Variants in ZC3H13 observed in about 807,000 individuals in gnomAD.
The protein encoded by ZC3H13 is zinc finger CCCH domain-containing protein 13.
A neutral mutation model predicts 204.1 loss-of-function variants in ZC3H13; 64 were observed. That is an observed-to-expected ratio of 0.31 (90% CI 0.26 to 0.39). The LOEUF (loss-of-function observed/expected upper bound fraction) is 0.39. Ranked by LOEUF, ZC3H13 falls within the 10% of genes least tolerant of loss-of-function variation. The probability of loss-of-function intolerance (pLI) is 1.00; values close to 1 mark genes in which losing one functional copy is unlikely to be tolerated. For synonymous variants in ZC3H13, 667 were observed against 693.7 expected (o/e 0.96, Z 0.60); for missense variants, 1,833 against 2,082.7 (o/e 0.88, Z 2.33).
chr13:45,959,941 T>A (rs892713445), intron 17 of ZC3H13, among the ~76,000 whole-genome samples: 5 of 152,020 alleles, frequency 3.3e-5, no homozygotes, highest in South Asian at 2.1e-4. Flanking sequence ...TTTTTAATTT[T>A]AAACAATTTA....
chr13:45,983,739 ATT>A (rs1288858724), intron 10 of ZC3H13, among the ~76,000 whole-genome samples: 3 of 152,000 alleles, frequency 2.0e-5, no homozygotes, highest in Non-Finnish European at 4.4e-5. Context: ...TTCTACTTAT[ATT>A]TAACACTGTA....
chr13:46,011,614 T>C, intron 5 of ZC3H13, 60 bp from the exon 6 acceptor site: 3 of 1,366,606 alleles, frequency 2.2e-6, no homozygotes, highest in Non-Finnish European at 2.9e-6. Context: ...CCAAAAATCA[T>C]ACAGACTTTT....
intron 7 of ZC3H13, among the ~76,000 whole-genome samples, chr13:46,004,671 T>A (rs1593632981): frequency 6.6e-6 from 1 of 152,194 alleles, no homozygotes; most frequent in African/African-American, 2.4e-5. Flanking sequence ...CAGGTTTTCA[T>A]CATTATTCAA....
chr13:46,029,254 G>A (rs1430358443), intron 4 of ZC3H13, among the ~76,000 whole-genome samples: 3 of 152,042 alleles, frequency 2.0e-5, no homozygotes, highest in African/African-American at 7.2e-5. Context: ...CACACAAGGA[G>A]AAACAAGCAA....
chr13:46,030,215 C>T (rs369646965), intron 4 of ZC3H13, among the ~76,000 whole-genome samples: 27 of 152,100 alleles, frequency 1.8e-4, no homozygotes, highest in Middle Eastern at 3.2e-3. Flanking sequence ...TTAGAAACAG[C>T]GGCGAATTTC....
chr13:46,022,551 T>G (rs1261967315), intron 4 of ZC3H13, among the ~76,000 whole-genome samples: 1 of 151,972 alleles, frequency 6.6e-6, no homozygotes, highest in African/African-American at 2.4e-5. Context: ...TTGAACAGAA[T>G]GGCTTCTCAT....
intron 11 of ZC3H13, chr13:45,976,121 C>A: frequency 1.0e-6 from 1 of 959,720 alleles, no homozygotes; most frequent in Non-Finnish European, 1.2e-6. Flanking sequence ...TCTCTGCATG[C>A]TCCCTACCCT....
At position 46,042,293 on chromosome 13, in the gene ZC3H13, G is replaced by T; in HGVS notation, c.228-18C>A. On this transcript the variant is annotated intron_variant, in intron 3 of 18. Transcript: ENST00000679008. ...CTGGTGACCTTTGAACCAAAACACA[G>T]AAACAAAACAAAAAACGAAACAAAA... The T allele has an allele frequency of 6.4e-7, 1 of 1,572,038 alleles. No homozygotes were observed. Among genetic ancestry groups the T allele is most frequent in the Non-Finnish European group, 8.7e-7 (1 of 1,153,796 alleles).
intron 8 of ZC3H13, among the ~76,000 whole-genome samples, chr13:46,001,698 G>C (rs1301169409): frequency 2.0e-5 from 3 of 152,094 alleles, no homozygotes; most frequent in Admixed American, 6.6e-5. Context: ...AGACTTCTTA[G>C]TCAAAATACC....
chr13:46,047,323 TA>T (rs1445299951), intron 1 of ZC3H13, among the ~76,000 whole-genome samples: 1 of 152,208 alleles, frequency 6.6e-6, no homozygotes, highest in Non-Finnish European at 1.5e-5. Flanking sequence ...TAATAGCAAT[TA>T]ATTTTTAGTG....
chr13:46,020,629 G>T, intron 4 of ZC3H13, 72 bp from the exon 5 acceptor site: 2 of 986,198 alleles, frequency 2.0e-6, no homozygotes, highest in Non-Finnish European at 2.9e-6. Flanking sequence ...TGTAATAAGA[G>T]AACATTTTAA....
At chr13:46,020,674 T>C in intron 4 of ZC3H13, 117 bp from the exon 5 acceptor site, 1 of 691,944 alleles carries the variant, frequency 1.4e-6, no homozygotes, top group Non-Finnish European at 2.3e-6. Flanking sequence ...AGAATCAGTT[T>C]TGTAAATAGT....
intron 4 of ZC3H13, among the ~76,000 whole-genome samples, chr13:46,030,474 GAACT>G (rs1172013757): frequency 2.0e-5 from 3 of 152,128 alleles, no homozygotes; most frequent in African/African-American, 7.2e-5. Context: ...AATTCTGAAA[GAACT>G]AACAGAAGAA....
chr13:45,960,763 A>C (rs1380011239), intron 17 of ZC3H13, among the ~76,000 whole-genome samples: 2 of 152,228 alleles, frequency 1.3e-5, no homozygotes, highest in Non-Finnish European at 2.9e-5. Context: ...CAACACGCTC[A>C]AGCAGGTTAC....
intron 1 of ZC3H13, among the ~76,000 whole-genome samples, chr13:46,047,616 TAAGAG>T (rs10551209): frequency 0.77 from 116,997 of 151,584 alleles, 45,514 homozygotes; most frequent in African/African-American, 0.86. Flanking sequence ...AACTGAAAGC[TAAGAG>T]AAGTGGAGCT....
At chr13:46,032,256 T>C (rs1390442492) in intron 4 of ZC3H13, among the ~76,000 whole-genome samples, 1 of 152,050 alleles carries the variant, frequency 6.6e-6, no homozygotes, top group African/African-American at 2.4e-5. Flanking sequence ...AAACATAGTG[T>C]TTTTCTAAAA....
chr13:45,986,551 G>A (rs1954213333), intron 9 of ZC3H13, among the ~76,000 whole-genome samples: 1 of 152,068 alleles, frequency 6.6e-6, no homozygotes, highest in Non-Finnish European at 1.5e-5. Flanking sequence ...AGAAATAGAG[G>A]CCCAAAACTT....
intron 18 of ZC3H13, 143 bp from the exon 19 acceptor site, chr13:45,957,440 G>T: frequency 1.1e-6 from 1 of 880,238 alleles, no homozygotes; most frequent in Non-Finnish European, 1.5e-6. Context: ...GGATTTCAAA[G>T]CAAAATTAGA....
intron 3 of ZC3H13, among the ~76,000 whole-genome samples, chr13:46,044,658 T>C (rs1290945730): frequency 6.6e-6 from 1 of 152,142 alleles, no homozygotes; most frequent in Non-Finnish European, 1.5e-5. Context: ...GGAATTCTGC[T>C]GTCTTAAGCA....
Sources: gnomAD v4.1 joint callset for allele counts (sites outside exome capture counted in the v4.1 genomes callset) on GRCh38, gnomAD v4.1.1 for gene constraint, MANE v1.5 for transcripts, NCBI Gene and HGNC (gene_info 2026-07-23, HGNC 2026-07-21) for gene names.